The following PROKR1 variants were observed in gnomAD, a reference collection of about 807,000 sequenced individuals.
The protein encoded by PROKR1 is prokineticin receptor 1.
Under a neutral mutation model 22.8 loss-of-function variants are expected in PROKR1, and 21 were observed. The observed-to-expected ratio is 0.92, with a 90% CI of 0.65 to 1.32. The LOEUF (loss-of-function observed/expected upper bound fraction) is 1.32. Among genes scored for constraint, PROKR1 ranks in the 40% most tolerant of loss-of-function variants. The pLI is 0.00. For synonymous variants in PROKR1, 193 were observed against 207.5 expected (o/e 0.93, Z 0.60); for missense variants, 548 against 514.2 (o/e 1.07, Z -0.64).
intron 2 of PROKR1, 128 bp from the exon 3 acceptor site, chr2:68,654,752 C>A (rs1365289555): frequency 2.3e-6 from 2 of 861,320 alleles, no homozygotes; most frequent in Non-Finnish European, 3.7e-6. Flanking sequence ...GAGCTATGAT[C>A]ATGCCACTGC....
Position 68,655,221 on chromosome 2 carries a change from T to A in PROKR1, c.827T>A (p.Leu276Gln). The change falls in exon 3 of 3, where the codon CTG (leucine) becomes CAG (glutamine). Residue 276 changes from leucine to glutamine, a missense_variant. Physicochemically the swap from Leu to Gln is moderately radical, Grantham distance 113. Transcript: ENST00000303786. ...CAGACAGAGCAGATCCGCAAGAGGC[T>A]GCGCTGCCGCAGGAAGACGGTCCTG... ...GFQTEQIRKR[L>Q]RCRRKTVLVL... 6.2e-7 allele frequency: 1 copy of A among 1,614,270 alleles called. No individual in the cohort carries two copies. The highest frequency in any genetic ancestry group is 1.3e-5 in the African/African-American group (1 of 75,076).
rs776158539 is a variant in PROKR1, at chr2:68,643,596, G to C, written c.-413G>C. 1 of 152,260 alleles carries C rather than the reference G, an allele frequency of 6.6e-6. No individual in the cohort carries two copies. Among genetic ancestry groups the C allele is most frequent in the Non-Finnish European group, 1.5e-5 (1 of 68,092 alleles). 9.4% of individuals were successfully genotyped at this position (152,260 alleles called of 1,614,324 possible). A position where few individuals can be genotyped will look rare whatever the true frequency, so the allele number is the denominator to read the frequency against. ...TGCAGCCCAGCTGGCGACACGCCTC[G>C]CCAAGAGCCCGCACCTCGGCGCCTC... On this transcript the variant is annotated 5_prime_UTR_variant, in exon 1 of 3. Transcript: ENST00000303786.
At chr2:68,649,430 C>T (rs2104185488) in intron 2 of PROKR1, 1 of 152,304 alleles carries the variant, frequency 6.6e-6, no homozygotes, top group Middle Eastern at 3.4e-3. Context: ...ACAATCCATC[C>T]TAAACTTTCA....
At position 68,654,980 on chromosome 2, in the gene PROKR1, C is replaced by G. The variant is rs1187536211; in HGVS notation, c.586C>G (p.Pro196Ala). 6.2e-7 allele frequency: 1 copy of G among 1,604,846 alleles called. No homozygotes were observed. Among genetic ancestry groups the G allele is most frequent in the African/African-American group, 1.4e-5 (1 of 71,966 alleles). Reference protein sequence around the residue: ...VWTVSILIAIPSAYFTTETVL... With the variant: ...VWTVSILIAIASAYFTTETVL... ...GACGGTGTCCATCCTGATCGCCATC[C>G]CTTCCGCCTACTTCACCACCGAGAC... The change falls in exon 3 of 3, where the codon CCT becomes GCT. Residue 196 changes from proline (P) to alanine (A), a missense_variant. Pro to Ala is a conservative substitution (Grantham distance 27). Coordinates refer to ENST00000303786, the MANE Select transcript of PROKR1 (RefSeq NM_138964.4).
chr2:68,646,066 T>A lies in PROKR1; in HGVS notation c.245T>A (p.Ile82Asn). 1 of 1,614,242 alleles carries A rather than the reference T, an allele frequency of 6.2e-7. No homozygotes were observed. The highest frequency in any genetic ancestry group is 8.5e-7 in the Non-Finnish European group (1 of 1,180,034). Reference protein sequence around the residue: ...IMLVCGIGNFIFIAALVRYKK... With the variant: ...IMLVCGIGNFNFIAALVRYKK... ...CTGGTCTGCGGCATTGGAAACTTCA[T>A]CTTTATCGCTGCCCTGGTCCGCTAC... is the stretch of plus-strand genomic sequence containing the variant. The change falls in exon 2 of 3, where the codon ATC becomes AAC. Residue 82 changes from isoleucine to asparagine, a missense_variant. Coordinates refer to ENST00000303786, the MANE Select transcript of PROKR1 (RefSeq NM_138964.4).
In PROKR1 at chr2:68,655,495, C is replaced by T. The variant is rs774116577; in HGVS notation, c.1101C>T (p.Gly367=). 3 of 1,614,054 alleles carry T rather than the reference C, an allele frequency of 1.9e-6. No homozygotes were observed. Among genetic ancestry groups the T allele is most frequent in the Middle Eastern group, 1.6e-4 (1 of 6,084 alleles). Residue 367 remains glycine, a synonymous_variant, in exon 3 of 3, where the codon GGC becomes GGT. Coordinates refer to ENST00000303786, the MANE Select transcript of PROKR1 (RefSeq NM_138964.4). ...TCCACTGGAAGGCTTCTTACAATGG[C>T]GGTAAGTCCAGTGCAGACCTGGACC... is the stretch of plus-strand genomic sequence containing the variant. ...MLLHWKASYN[G]GKSSADLDLK...
At chr2:68,649,240 T>G (rs1179398551) in intron 2 of PROKR1, among the ~76,000 whole-genome samples, 1 of 152,240 alleles carries the variant, frequency 6.6e-6, no homozygotes, top group Non-Finnish European at 1.5e-5. Context: ...CTCCGAGGCA[T>G]CTAACCTAGA....
At position 68,645,650 on chromosome 2, in the gene PROKR1, T is replaced by C; in HGVS notation, c.-160-12T>C. On this transcript the variant is annotated splice_polypyrimidine_tract_variant and intron_variant, in intron 1 of 2. Coordinates refer to ENST00000303786, the MANE Select transcript of PROKR1 (RefSeq NM_138964.4). ...TGCAACATATAGCCAACTGTTTGTA[T>C]GTCTTTCAAAGGTTTAGAATGGAGC... The C allele has an allele frequency of 1.1e-6, 1 of 924,934 alleles. No individual in the cohort carries two copies. Among genetic ancestry groups the C allele is most frequent in the Non-Finnish European group, 1.6e-6 (1 of 614,978 alleles). The allele number at this position is 924,934 out of a possible 1,614,324, so 57.3% of individuals were successfully genotyped here. A position where few individuals can be genotyped will look rare whatever the true frequency, so the allele number is the denominator to read the frequency against.
At chr2:68,647,458 C>G (rs1334876199) in intron 2 of PROKR1, among the ~76,000 whole-genome samples, 1 of 152,162 alleles carries the variant, frequency 6.6e-6, no homozygotes, top group African/African-American at 2.4e-5. Flanking sequence ...ACCCAGAGAG[C>G]CTGAGGCATA....
At chr2:68,651,800 G>A (rs1175922803) in intron 2 of PROKR1, among the ~76,000 whole-genome samples, 1 of 152,188 alleles carries the variant, frequency 6.6e-6, no homozygotes, top group Non-Finnish European at 1.5e-5. Flanking sequence ...TTATTGCCTG[G>A]ACCATCTCTT....
In PROKR1 at chr2:68,657,079, C is replaced by G. The variant is rs1673485947; in HGVS notation, c.*1503C>G. 1 of 152,228 alleles carries G rather than the reference C, an allele frequency of 6.6e-6. No homozygotes were observed. Among genetic ancestry groups the G allele is most frequent in the South Asian group, 2.1e-4 (1 of 4,834 alleles). 9.4% of individuals were successfully genotyped at this position (152,228 alleles called of 1,614,324 possible). A position where few individuals can be genotyped will look rare whatever the true frequency, so the allele number is the denominator to read the frequency against. ...TGGAAGATCTGAGAGCCAGACTTGACTCTGTCAACTGTGTAGCCCTGGGCA... is the reference window on the plus strand; with the variant it reads ...TGGAAGATCTGAGAGCCAGACTTGAGTCTGTCAACTGTGTAGCCCTGGGCA... On this transcript the variant is annotated 3_prime_UTR_variant, in exon 3 of 3. Transcript: ENST00000303786.
intron 2 of PROKR1, among the ~76,000 whole-genome samples, chr2:68,653,703 C>A (rs1208953786): frequency 6.6e-6 from 1 of 152,142 alleles, no homozygotes; most frequent in African/African-American, 2.4e-5. Context: ...GAAACCGGAG[C>A]TCTCTGCATA....
At position 68,646,121 on chromosome 2, in the gene PROKR1, C is replaced by T. The variant is rs147846253; in HGVS notation, c.300C>T (p.Leu100=). The T allele has an allele frequency of 1.1e-5, 17 of 1,611,696 alleles. No homozygotes were observed. The highest frequency in any genetic ancestry group is 5.3e-5 in the African/African-American group (4 of 74,916). Residue 100 remains leucine, a synonymous_variant, in exon 2 of 3, where the codon CTC becomes CTT. Coordinates refer to ENST00000303786, the MANE Select transcript of PROKR1 (RefSeq NM_138964.4). ...YKKLRNLTNL[L]IANLAISDFL... is the part of the protein sequence containing the mutation. ...AACTGCGCAACCTCACCAACCTGCTCATCGCCAACCTGGCCATCTCTGACT... is the reference window on the plus strand; with the variant it reads ...AACTGCGCAACCTCACCAACCTGCTTATCGCCAACCTGGCCATCTCTGACT...
chr2:68,653,047 G>C (rs1291701150), intron 2 of PROKR1, among the ~76,000 whole-genome samples: 2 of 152,206 alleles, frequency 1.3e-5, no homozygotes, highest in Non-Finnish European at 2.9e-5. Context: ...TGGTGGGGTA[G>C]ACAGACAGCA....
intron 2 of PROKR1, among the ~76,000 whole-genome samples, chr2:68,652,897 G>A (rs1253072160): frequency 6.6e-6 from 1 of 152,176 alleles, no homozygotes; most frequent in Non-Finnish European, 1.5e-5. Context: ...CACATTTATT[G>A]AAAACACACT....
At chr2:68,654,764 C>T in intron 2 of PROKR1, 116 bp from the exon 3 acceptor site, 4 of 970,872 alleles carry the variant, frequency 4.1e-6, no homozygotes, top group Non-Finnish European at 6.3e-6. Flanking sequence ...TGCCACTGCA[C>T]TCACTGCACT....
Position 68,655,058 on chromosome 2 carries a change from C to A in PROKR1, c.664C>A (p.Pro222Thr), listed in dbSNP as rs1479661979. The A allele has an allele frequency of 7.4e-6, 12 of 1,613,956 alleles. No homozygotes were observed. The highest frequency in any genetic ancestry group is 1.3e-5 in the African/African-American group (1 of 75,006). The part of the protein sequence containing the change: ...QEKIFCGQIW[P>T]VDQQLYYKSY... ...AAAGATCTTCTGCGGCCAGATCTGG[C>A]CTGTGGACCAGCAGCTCTACTACAA... Residue 222 changes from proline (P) to threonine (T), a missense_variant, in exon 3 of 3, where the codon CCT becomes ACT. By Grantham distance (38) the Pro-to-Thr change is conservative. Transcript: ENST00000303786.
chr2:68,654,857 C>A, intron 2 of PROKR1, 23 bp from the exon 3 acceptor site: 1 of 1,574,200 alleles, frequency 6.4e-7, no homozygotes, highest in South Asian at 1.1e-5. Context: ...CAGTGGCTGC[C>A]TCCACTTGTG....
chr2:68,646,583 C>T (rs569251003), intron 2 of PROKR1, among the ~76,000 whole-genome samples: 2 of 152,312 alleles, frequency 1.3e-5, no homozygotes, highest in South Asian at 4.1e-4. Flanking sequence ...GATATTACAC[C>T]TTTCAAGGTC....
Sources: gnomAD v4.1 joint callset for allele counts (sites outside exome capture counted in the v4.1 genomes callset) on GRCh38, gnomAD v4.1.1 for gene constraint, MANE v1.5 for transcripts, NCBI Gene and HGNC (gene_info 2026-07-23, HGNC 2026-07-21) for gene names.